The following DNAH14 variants were observed in gnomAD, a reference collection of about 807,000 sequenced individuals.
The protein encoded by DNAH14 is axonemal beta dynein heavy chain 14.
A neutral mutation model predicts 520.9 loss-of-function variants in DNAH14; 478 were observed. That is an observed-to-expected ratio of 0.92 (90% CI 0.85 to 0.99). The LOEUF is 0.99. Among genes scored for constraint, DNAH14 ranks in the 50% least tolerant of loss-of-function variants. The pLI is 0.00. For missense variants in DNAH14, 4,831 were observed against 5,234.5 expected (o/e 0.92, Z 2.38); for synonymous variants, 1,581 against 1,757.2 (o/e 0.90, Z 2.51).
intron 2 of DNAH14, 105 bp downstream of exon 2, chr1:224,952,884 T>C (rs1223971893): frequency 2.7e-6 from 2 of 747,852 alleles, no homozygotes; most frequent in African/African-American, 1.8e-5. Context: ...AAATATCTTA[T>C]CAGAATTTAT....
In DNAH14 at chr1:225,023,847, A is replaced by G. The variant is rs2065898372; in HGVS notation, c.1340A>G (p.Lys447Arg). The G allele has an allele frequency of 6.5e-7, 1 of 1,534,716 alleles. No individual in the cohort carries two copies. Among genetic ancestry groups the G allele is most frequent in the Non-Finnish European group, 8.8e-7 (1 of 1,138,458 alleles). ...GGAATGCCATTTTCAGTGGAAAAAA[A>G]GAATGAAAATCTTATCAGGTAAATT... ...SAGMPFSVEK[K>R]NENLIRTFKD... is the part of the protein sequence containing the mutation. Residue 447 changes from lysine to arginine, a missense_variant, in exon 11 of 86, where the codon AAG becomes AGG. Lys to Arg is a conservative substitution (Grantham distance 26). Transcript: ENST00000682510.
In DNAH14 at chr1:225,004,927, C is replaced by T. The variant is rs114932998; in HGVS notation, c.975+2000C>T. ...GTACTCTGCTGGGATGAAAGCATAC[C>T]TTTAAAGAGGGTGGAATTTCTCGAA... On this transcript the variant is annotated intron_variant, in intron 9 of 85. Coordinates refer to ENST00000682510, the MANE Select transcript of DNAH14 (RefSeq NM_001367479.1). Among the ~76,000 whole-genome samples, 613 of 152,194 alleles carry T rather than the reference C, an allele frequency of 4.0e-3. 3 individuals carry two copies. Among genetic ancestry groups the T allele is most frequent in the African/African-American group, 0.014 (581 of 41,552 alleles).
At chr1:225,079,768 G>T (rs12041250) in intron 18 of DNAH14, among the ~76,000 whole-genome samples, 2 of 143,972 alleles carry the variant, frequency 1.4e-5, no homozygotes, top group African/African-American at 2.5e-5. Flanking sequence ...CCGCCTCCCG[G>T]GTTCACGCCA....
chr1:224,929,889 C>G, intron 1 of DNAH14, 54 bp downstream of exon 1: 4 of 613,300 alleles, frequency 6.5e-6, no homozygotes, highest in Non-Finnish European at 1.2e-5. Flanking sequence ...GGCGGGCGGG[C>G]GGCGCGTGGG....
intron 8 of DNAH14, among the ~76,000 whole-genome samples, chr1:224,997,914 G>A (rs913277576): frequency 1.3e-5 from 2 of 152,030 alleles, no homozygotes; most frequent in Non-Finnish European, 2.9e-5. Flanking sequence ...TCACTCATAG[G>A]TGGGAATTGA....
Position 225,388,595 on chromosome 1 carries a change from T to G in DNAH14, c.13190+104T>G, listed in dbSNP as rs1162705433. The G allele has an allele frequency of 1.3e-5, 8 of 633,902 alleles. No individual in the cohort carries two copies. The Admixed American group carries it at 2.1e-4, about 17-fold the overall frequency. The allele number at this position is 633,902 out of a possible 1,614,324, so 39.3% of individuals were successfully genotyped here. On this transcript the variant is annotated intron_variant, in intron 82 of 85. Transcript: ENST00000682510. Reference sequence around the variant, plus strand: ...TGGTCTCCTTGGGTTCTCACAGTAATGTGTGAATTAAGCAAGGGAGGGATT... The same window carrying G: ...TGGTCTCCTTGGGTTCTCACAGTAAGGTGTGAATTAAGCAAGGGAGGGATT...
At chr1:225,154,556 T>C (rs568724157) in intron 34 of DNAH14, among the ~76,000 whole-genome samples, 2 of 152,206 alleles carry the variant, frequency 1.3e-5, no homozygotes, top group Non-Finnish European at 2.9e-5. Context: ...TAGAACTATA[T>C]GCTTTGGGCA....
intron 38 of DNAH14, among the ~76,000 whole-genome samples, chr1:225,203,652 A>T (rs1354889343): frequency 6.6e-6 from 1 of 152,200 alleles, no homozygotes; most frequent in Non-Finnish European, 1.5e-5. Context: ...TGGTGTAAAA[A>T]TGACATGTAT....
In DNAH14 at chr1:225,153,914, T is replaced by C. The variant is rs1029088690; in HGVS notation, c.5273+88T>C. 5.6e-5 allele frequency: 54 copies of C among 964,854 alleles called. No homozygotes were observed. In the African/African-American group the frequency reaches 8.8e-4, roughly 16 times the overall value. 59.8% of individuals were successfully genotyped at this position (964,854 alleles called of 1,614,324 possible). A position where few individuals can be genotyped will look rare whatever the true frequency, so the allele number is the denominator to read the frequency against. On this transcript the variant is annotated intron_variant, in intron 34 of 85. Transcript: ENST00000682510. ...AGAATTACGGGTGATGATGCCAAGT[T>C]AAAACAGGGAGCCCCGCAGACTGTC...
intron 31 of DNAH14, 71 bp from the exon 32 acceptor site, chr1:225,151,934 T>C (rs1385187623): frequency 7.9e-7 from 1 of 1,268,284 alleles, no homozygotes; most frequent in Non-Finnish European, 1.1e-6. Context: ...GCTTCCAAAC[T>C]CACTTATAGT....
At chr1:225,283,052 A>T (rs1032932153) in intron 54 of DNAH14, among the ~76,000 whole-genome samples, 4 of 151,860 alleles carry the variant, frequency 2.6e-5, no homozygotes, top group Admixed American at 1.3e-4. Context: ...ATTAGAAGAG[A>T]ACTAAAAATA....
intron 56 of DNAH14, 23 bp downstream of exon 56, chr1:225,301,053 T>C: frequency 6.5e-7 from 1 of 1,539,368 alleles, no homozygotes; most frequent in East Asian, 2.5e-5. Flanking sequence ...GACTTGGCTT[T>C]ATCAAATTGT....
intron 5 of DNAH14, among the ~76,000 whole-genome samples, chr1:224,966,644 G>A (rs1010766537): frequency 2.6e-5 from 4 of 152,074 alleles, no homozygotes; most frequent in Non-Finnish European, 5.9e-5. Context: ...ACCATTTCCT[G>A]AATTTGTGAC....
chr1:225,108,148 C>T (rs2076226101), intron 23 of DNAH14, among the ~76,000 whole-genome samples: 1 of 152,126 alleles, frequency 6.6e-6, no homozygotes, highest in African/African-American at 2.4e-5. Flanking sequence ...CTGAATCTTC[C>T]AGCCTTTATC....
At chr1:225,231,201 G>A (rs114086886) in intron 42 of DNAH14, 50 bp downstream of exon 42, 44,375 of 1,284,894 alleles carry the variant, frequency 0.035, 942 homozygotes, top group Middle Eastern at 0.072. Flanking sequence ...TTAGGTGCCA[G>A]ACCCTCAAAT....
In DNAH14 at chr1:225,117,827, C is replaced by T. The variant is rs12080062; in HGVS notation, c.3972+39C>T. On this transcript the variant is annotated intron_variant, in intron 24 of 85. Coordinates refer to ENST00000682510, the MANE Select transcript of DNAH14 (RefSeq NM_001367479.1). ...TCTCTGCTCAGCAATATTATATTAG[C>T]GATATTCAGATCACAATTCAATAAT... The T allele has an allele frequency of 0.027, 41,475 of 1,512,654 alleles. 6,952 individuals carry two copies. In the African/African-American group the frequency reaches 0.43, roughly 16 times the overall value. 93.7% of individuals were successfully genotyped at this position (1,512,654 alleles called of 1,614,324 possible). A position where few individuals can be genotyped will look rare whatever the true frequency, so the allele number is the denominator to read the frequency against.
At chr1:225,116,656 G>A (rs2076892756) in intron 23 of DNAH14, among the ~76,000 whole-genome samples, 1 of 152,106 alleles carries the variant, frequency 6.6e-6, no homozygotes, top group Non-Finnish European at 1.5e-5. Flanking sequence ...ATAATGAGTA[G>A]GAAAAGTGAT....
chr1:225,206,962 T>G lies in DNAH14; in HGVS notation c.6187-6T>G. On this transcript the variant is annotated splice_polypyrimidine_tract_variant and splice_region_variant and intron_variant, in intron 40 of 85. Coordinates refer to ENST00000682510, the MANE Select transcript of DNAH14 (RefSeq NM_001367479.1). ...CATAAGATTATATTTTGCTCCTTAT[T>G]ATTAGGATCCTGTTGATCTGGGATG... The G allele has an allele frequency of 6.8e-7, 1 of 1,473,704 alleles. No individual in the cohort carries two copies. Among genetic ancestry groups the G allele is most frequent in the Non-Finnish European group, 9.0e-7 (1 of 1,112,806 alleles). 91.3% of individuals were successfully genotyped at this position (1,473,704 alleles called of 1,614,324 possible). A position where few individuals can be genotyped will look rare whatever the true frequency, so the allele number is the denominator to read the frequency against.
intron 17 of DNAH14, among the ~76,000 whole-genome samples, chr1:225,062,555 A>G (rs1039674473): frequency 1.2e-4 from 19 of 152,264 alleles, no homozygotes; most frequent in African/African-American, 2.9e-4. Context: ...ATGAAGAAAA[A>G]AAAAGCCCCA....
Sources: gnomAD v4.1 joint callset for allele counts (sites outside exome capture counted in the v4.1 genomes callset) on GRCh38, gnomAD v4.1.1 for gene constraint, MANE v1.5 for transcripts, NCBI Gene and HGNC (gene_info 2026-07-23, HGNC 2026-07-21) for gene names.